CELF5: variants seen among roughly 807,000 people sequenced by gnomAD.
The protein encoded by CELF5 is CUG-BP and ETR-3 like factor 5.
CELF5 carries 6 observed loss-of-function variants against 54.9 expected under a neutral mutation model. The observed-to-expected ratio is 0.11, with a 90% CI of 0.06 to 0.22. The LOEUF (loss-of-function observed/expected upper bound fraction) is 0.22, where lower values mean the gene tolerates loss of function less well. CELF5 is among the 10% of genes least tolerant of loss of function. The pLI is 1.00. For synonymous variants in CELF5, 271 were observed against 290.9 expected (o/e 0.93, Z 0.70); for missense variants, 401 against 678.6 (o/e 0.59, Z 4.54).
intron 2 of CELF5, among the ~76,000 whole-genome samples, chr19:3,266,043 G>A (rs2079877073): frequency 6.6e-6 from 1 of 152,182 alleles, no homozygotes; most frequent in Admixed American, 6.5e-5. Context: ...CTGACCTCAG[G>A]TGATCTGCCC....
chr19:3,240,297 A>G (rs185441722), intron 1 of CELF5, among the ~76,000 whole-genome samples: 1 of 151,538 alleles, frequency 6.6e-6, no homozygotes, highest in Admixed American at 6.6e-5. Flanking sequence ...TATTACAGGC[A>G]TGAGCCACTG....
At chr19:3,271,791 G>A (rs767195683) in intron 2 of CELF5, among the ~76,000 whole-genome samples, 1 of 151,982 alleles carries the variant, frequency 6.6e-6, no homozygotes, top group African/African-American at 2.4e-5. Flanking sequence ...GTGGAAGAGT[G>A]GGCACGGAGC....
intron 12 of CELF5, chr19:3,296,434 G>GAAAAAAAAAAAAAAAAAAAAAGAAAAAA (rs2080450767): frequency 3.6e-5 from 2 of 54,862 alleles, no homozygotes; most frequent in Non-Finnish European, 3.2e-5. Context: ...AAACCACACA[G>GAAAAAAAAAAAAAAAAAAAAAGAAAAAA]AAAAAAAAAA....
chr19:3,292,409 G>T (rs1177447337), intron 11 of CELF5, among the ~76,000 whole-genome samples: 1 of 150,718 alleles, frequency 6.6e-6, no homozygotes, highest in Non-Finnish European at 1.5e-5. Flanking sequence ...TCAGCCTCCT[G>T]AGTAGCTGGG....
chr19:3,253,360 C>G (rs982550445), intron 2 of CELF5, among the ~76,000 whole-genome samples: 2 of 152,186 alleles, frequency 1.3e-5, no homozygotes, highest in Non-Finnish European at 2.9e-5. Flanking sequence ...AGGGAGGTTA[C>G]AGTCAAGATA....
rs1283128632 is a variant in CELF5 at position 3,228,698 on chromosome 19, G to C, written c.259+3700G>C. 6.6e-6 allele frequency among the ~76,000 whole-genome samples: 1 copy of C among 151,854 alleles called. No individual in the cohort carries two copies. The highest frequency in any genetic ancestry group is 1.5e-5 in the Non-Finnish European group (1 of 67,898). On this transcript the variant is annotated intron_variant, in intron 1 of 12. Coordinates refer to ENST00000292672, the MANE Select transcript of CELF5 (RefSeq NM_021938.4). This position sits in a 1 kb window ranked among gnomAD's most constrained non-coding sequence, Gnocchi z 6.0. ...GCTGCCGGCTCGACTCGGGAGGGGG[G>C]GAGGAGGAGGCTGTAGCAGGCTGAG...
chr19:3,245,245 C>T (rs1465855110), intron 1 of CELF5, among the ~76,000 whole-genome samples: 8 of 129,234 alleles, frequency 6.2e-5, no homozygotes, highest in Admixed American at 2.4e-4. Context: ...TGCATCTGTG[C>T]GTGTGTATGT....
At chr19:3,255,310 G>C (rs2079708921) in intron 2 of CELF5, among the ~76,000 whole-genome samples, 1 of 152,122 alleles carries the variant, frequency 6.6e-6, no homozygotes, top group African/African-American at 2.4e-5. Flanking sequence ...TCAGCCTCCT[G>C]AGTAGCTGGG....
At chr19:3,241,146 C>T (rs2079485393) in intron 1 of CELF5, among the ~76,000 whole-genome samples, 2 of 151,634 alleles carry the variant, frequency 1.3e-5, no homozygotes, top group Non-Finnish European at 2.9e-5. Flanking sequence ...ACTGCACCCA[C>T]CAACTCCCTG....
chr19:3,282,215 A>G lies in CELF5; in HGVS notation c.840A>G (p.Ile280Met). 1.2e-6 allele frequency: 2 copies of G among 1,613,802 alleles called. No individual in the cohort carries two copies. Among genetic ancestry groups the G allele is most frequent in the South Asian group, 2.2e-5 (2 of 91,074 alleles). ...VAFSPCHIQQ[I>M]GAVSLNGLPA... ...TCTCACCCTGTCACATCCAGCAGAT[A>G]GGCGCCGTCAGCCTCAACGGGCTGC... Residue 280 changes from isoleucine to methionine, a missense_variant, in exon 7 of 13, where the codon ATA becomes ATG. Around this residue, in one of 6 missense-constraint regions of CELF5, gnomAD observed 87 missense variants for 190.2 expected, o/e 0.46. Coordinates refer to ENST00000292672, the MANE Select transcript of CELF5 (RefSeq NM_021938.4). The surrounding 1 kb of genome is among the most constrained non-coding windows in gnomAD (Gnocchi z 5.2).
In CELF5 at chr19:3,296,826, C is replaced by T. The variant is rs2080461942; in HGVS notation, c.*109C>T. 6.6e-6 allele frequency: 1 copy of T among 152,158 alleles called. No homozygotes were observed. The highest frequency in any genetic ancestry group is 1.5e-5 in the Non-Finnish European group (1 of 68,042). 9.4% of individuals were successfully genotyped at this position (152,158 alleles called of 1,614,324 possible). ...ATTTCATGAAGTTTCAACTTGCAAA[C>T]TGACTTTTGGGACAAACCAACACAC... On this transcript the variant is annotated 3_prime_UTR_variant, in exon 13 of 13. Coordinates refer to ENST00000292672, the MANE Select transcript of CELF5 (RefSeq NM_021938.4).
intron 1 of CELF5, among the ~76,000 whole-genome samples, chr19:3,233,102 T>A (rs1917346691): frequency 6.7e-6 from 1 of 148,986 alleles, no homozygotes; most frequent in Non-Finnish European, 1.5e-5. Flanking sequence ...AAATTAAAAA[T>A]AAATAAATAA....
chr19:3,247,835 C>G (rs548577141), intron 1 of CELF5, among the ~76,000 whole-genome samples: 1 of 152,126 alleles, frequency 6.6e-6, no homozygotes, highest in South Asian at 2.1e-4. Context: ...GATCTTGGCT[C>G]ATTGCAAACT....
At chr19:3,267,595 A>G (rs1337015133) in intron 2 of CELF5, among the ~76,000 whole-genome samples, 1 of 152,324 alleles carries the variant, frequency 6.6e-6, no homozygotes, top group South Asian at 2.1e-4. Flanking sequence ...TCCCTTGGCC[A>G]GTGAGGGAGG....
At chr19:3,286,102 G>T in intron 10 of CELF5, 77 bp downstream of exon 10, 2 of 1,294,782 alleles carry the variant, frequency 1.5e-6, no homozygotes, top group South Asian at 1.6e-5. Flanking sequence ...TCCGTGTCTG[G>T]CCCGGGCCTC....
intron 1 of CELF5, among the ~76,000 whole-genome samples, chr19:3,237,079 G>A (rs1917643108): frequency 3.3e-5 from 5 of 151,064 alleles, no homozygotes; most frequent in South Asian, 4.2e-4. Context: ...TTGGGAGGCC[G>A]AGACGGGTGG....
chr19:3,259,876 A>G (rs1042069559), intron 2 of CELF5, among the ~76,000 whole-genome samples: 13 of 152,304 alleles, frequency 8.5e-5, no homozygotes, highest in African/African-American at 3.1e-4. Context: ...TCCGGCCCCA[A>G]TGTCCACAGT....
Position 3,242,896 on chromosome 19 carries a change from G to T in CELF5, c.260-8089G>T, listed in dbSNP as rs1046484871. ...AGAGAGTCATTTGAACCTGGGAGGT[G>T]GAGGTTGCAGTGAGGTGAGATGGTG... On this transcript the variant is annotated intron_variant, in intron 1 of 12. Transcript: ENST00000292672. Among the ~76,000 whole-genome samples the T allele has an allele frequency of 2.0e-5, 3 of 152,094 alleles. No individual in the cohort carries two copies. The East Asian group carries it at 5.8e-4, about 29-fold the overall frequency.
At position 3,282,606 on chromosome 19, in the gene CELF5, C is replaced by G. The variant is rs1157457891; in HGVS notation, c.1039+108C>G. 2 of 1,313,818 alleles carry G rather than the reference C, an allele frequency of 1.5e-6. No individual in the cohort carries two copies. Among genetic ancestry groups the G allele is most frequent in the Non-Finnish European group, 2.1e-6 (2 of 964,290 alleles). 81.4% of individuals were successfully genotyped at this position (1,313,818 alleles called of 1,614,324 possible). A position where few individuals can be genotyped will look rare whatever the true frequency, so the allele number is the denominator to read the frequency against. On this transcript the variant is annotated intron_variant, in intron 8 of 12. Transcript: ENST00000292672. The surrounding 1 kb of genome is among the most constrained non-coding windows in gnomAD (Gnocchi z 5.2). ...TCACAGTGCCCAGGGAACAGAAGGGCAGGAAAAAGGGTGTCTCCGCTGAGC... is the reference window on the plus strand; with the variant it reads ...TCACAGTGCCCAGGGAACAGAAGGGGAGGAAAAAGGGTGTCTCCGCTGAGC...
Sources: allele counts gnomAD v4.1 joint callset (sites outside exome capture counted in the v4.1 genomes callset), GRCh38; gene constraint gnomAD v4.1.1; regional missense constraint gnomAD v4.1.1; non-coding constraint Gnocchi (gnomAD v3.1); transcripts MANE v1.5; gene names NCBI Gene and HGNC (gene_info 2026-07-23, HGNC 2026-07-21).